The following TMEM178A variants were observed in gnomAD, a reference collection of about 807,000 sequenced individuals.
TMEM178A encodes transmembrane protein 178.
TMEM178A carries 12 observed loss-of-function variants against 29.1 expected under a neutral mutation model. The ratio of observed to expected loss-of-function variants is 0.41; its 90% CI spans 0.26 to 0.67. The LOEUF is 0.67. TMEM178A is among the 30% of genes least tolerant of loss of function. The pLI, the probability that TMEM178A is intolerant of heterozygous loss-of-function variation, is 0.29. For missense variants in TMEM178A, 366 were observed against 419.1 expected, an observed-to-expected ratio of 0.87 and a Z score of 1.11; for synonymous variants, 210 against 187.2, an observed-to-expected ratio of 1.12 and a Z score of -0.99.
At chr2:39,667,130 A>G (rs1670202879) in intron 1 of TMEM178A, among the ~76,000 whole-genome samples, 1 of 152,196 alleles carries the variant, frequency 6.6e-6, no homozygotes, top group Admixed American at 6.5e-5. Flanking sequence ...CCAGGCACTG[A>G]GGAGAGAAAA....
chr2:39,718,816 C>A (rs1362926548), downstream of TMEM178A, among the ~76,000 whole-genome samples: 3 of 151,326 alleles, frequency 2.0e-5, no homozygotes, highest in East Asian at 3.9e-4. Context: ...TAACTCCAAC[C>A]CTTGTTCCCG....
the TMEM178A span, among the ~76,000 whole-genome samples, chr2:39,735,649 C>A: frequency 1.3e-5 from 2 of 152,190 alleles, no homozygotes; most frequent in South Asian, 4.1e-4. Flanking sequence ...TTATCAGAGT[C>A]CCAGCTGTTA....
At chr2:39,700,548 C>G (rs1671736894) in intron 1 of TMEM178A, among the ~76,000 whole-genome samples, 2 of 151,864 alleles carry the variant, frequency 1.3e-5, no homozygotes, top group Admixed American at 6.6e-5. Flanking sequence ...AAATTTCAAC[C>G]TATTTGTGTC....
chr2:39,712,504 A>T (rs1319972115), intron 3 of TMEM178A, among the ~76,000 whole-genome samples: 1 of 152,216 alleles, frequency 6.6e-6, no homozygotes, highest in Non-Finnish European at 1.5e-5. Context: ...TAATTCTGTG[A>T]TATCGTGGTA....
At chr2:39,691,382 T>C (rs1360652631) in intron 1 of TMEM178A, among the ~76,000 whole-genome samples, 1 of 152,162 alleles carries the variant, frequency 6.6e-6, no homozygotes, top group East Asian at 1.9e-4. Flanking sequence ...CAGGAAAGCA[T>C]GGGGCAATAT....
intron 1 of TMEM178A, among the ~76,000 whole-genome samples, chr2:39,670,341 T>A (rs1670359277): frequency 6.6e-6 from 1 of 152,252 alleles, no homozygotes; most frequent in Non-Finnish European, 1.5e-5. Flanking sequence ...TGTTGGAGTG[T>A]TGGTTATTGT....
intron 1 of TMEM178A, among the ~76,000 whole-genome samples, chr2:39,666,645 T>A (rs4567913): frequency 0.066 from 9,992 of 152,180 alleles, 899 homozygotes; most frequent in African/African-American, 0.2. Context: ...GTCTCCTTCT[T>A]TCCTGCCTTC....
chr2:39,714,022 C>T (rs1672427822), intron 3 of TMEM178A, among the ~76,000 whole-genome samples: 1 of 152,196 alleles, frequency 6.6e-6, no homozygotes, highest in African/African-American at 2.4e-5. Flanking sequence ...CATTCCTGCC[C>T]ATCTCACAAA....
At chr2:39,669,679 A>C (rs1191178972) in intron 1 of TMEM178A, among the ~76,000 whole-genome samples, 2 of 152,232 alleles carry the variant, frequency 1.3e-5, no homozygotes, top group African/African-American at 4.8e-5. Context: ...ACCCTTTGCT[A>C]TTCTACCAGA....
At chr2:39,707,533 G>C (rs1459677288) in intron 3 of TMEM178A, among the ~76,000 whole-genome samples, 1 of 152,052 alleles carries the variant, frequency 6.6e-6, no homozygotes, top group Non-Finnish European at 1.5e-5. Flanking sequence ...GTGTAGTGGT[G>C]CGATCTTGCC....
intron 1 of TMEM178A, among the ~76,000 whole-genome samples, chr2:39,676,059 T>C (rs560544592): frequency 6.6e-6 from 1 of 152,358 alleles, no homozygotes; most frequent in East Asian, 1.9e-4. Flanking sequence ...GTTGGGATGA[T>C]AGTTATTTCT....
chr2:39,674,465 G>C (rs1670530792), intron 1 of TMEM178A, among the ~76,000 whole-genome samples: 1 of 152,200 alleles, frequency 6.6e-6, no homozygotes, highest in African/African-American at 2.4e-5. Flanking sequence ...GCTAAGCTAT[G>C]AGGACTCAAA....
chr2:39,715,660 A>G (rs1672503668), intron 3 of TMEM178A, among the ~76,000 whole-genome samples: 1 of 152,230 alleles, frequency 6.6e-6, no homozygotes, highest in South Asian at 2.1e-4. Flanking sequence ...AGGAAATATC[A>G]AATTATCTCA....
intron 1 of TMEM178A, among the ~76,000 whole-genome samples, chr2:39,684,989 T>C (rs1671011948): frequency 6.6e-6 from 1 of 152,208 alleles, no homozygotes; most frequent in Admixed American, 6.5e-5. Flanking sequence ...TATTGGCCTG[T>C]TTATATTTCC....
chr2:39,700,377 A>G (rs1251402586), intron 1 of TMEM178A, among the ~76,000 whole-genome samples: 1 of 152,050 alleles, frequency 6.6e-6, no homozygotes, highest in African/African-American at 2.4e-5. Context: ...TATGTTTATG[A>G]CTGCTGTATC....
rs1465577707 is a variant in TMEM178A, at chr2:39,686,182, C to T, written c.401-17899C>T. On this transcript the variant is annotated intron_variant, in intron 1 of 3. Transcript: ENST00000281961. ...GCTCAGACTTTGGAAAATTCACGTA[C>T]TTCTGAGCCCTGCAGGGAAACAGAG... Among the ~76,000 whole-genome samples the T allele has an allele frequency of 3.3e-5, 5 of 152,196 alleles. No individual in the cohort carries two copies. In the East Asian group the frequency reaches 9.6e-4, roughly 29 times the overall value.
the TMEM178A span, among the ~76,000 whole-genome samples, chr2:39,731,193 T>G: frequency 4.6e-5 from 7 of 152,140 alleles, no homozygotes; most frequent in African/African-American, 1.4e-4. Flanking sequence ...AAATACAGAG[T>G]AAATAGTTAT....
In TMEM178A at chr2:39,702,100, C is replaced by T. The variant is rs147701282; in HGVS notation, c.401-1981C>T. ...TTTTTTTCTTTTACTTTGAATGTCT[C>T]GTACTTTTTTGGTTGAAAACTGGGC... On this transcript the variant is annotated intron_variant, in intron 1 of 3. Coordinates refer to ENST00000281961, the MANE Select transcript of TMEM178A (RefSeq NM_152390.3). 4.0e-3 allele frequency among the ~76,000 whole-genome samples: 612 copies of T among 151,802 alleles called. 3 individuals carry two copies. The highest frequency in any genetic ancestry group is 0.014 in the Middle Eastern group (4 of 294).
chr2:39,720,239 T>C (rs550364656), downstream of TMEM178A, among the ~76,000 whole-genome samples: 8 of 152,282 alleles, frequency 5.3e-5, no homozygotes, highest in African/African-American at 1.9e-4. Context: ...GGGGGGTGCC[T>C]CTTAAAGATT....
Sources: gnomAD v4.1 joint callset for allele counts (sites outside exome capture counted in the v4.1 genomes callset) on GRCh38, gnomAD v4.1.1 for gene constraint, MANE v1.5 for transcripts, NCBI Gene and HGNC (gene_info 2026-07-23, HGNC 2026-07-21) for gene names.